Variants in MYRIP observed in about 807,000 individuals in gnomAD.
MYRIP encodes the protein rab effector MyRIP.
Under a neutral mutation model 98.0 loss-of-function variants are expected in MYRIP, and 49 were observed. That is an observed-to-expected ratio of 0.50 (90% CI 0.40 to 0.63). MYRIP has a LOEUF of 0.63. Ranked by LOEUF, MYRIP falls within the 30% of genes least tolerant of loss-of-function variation. The probability of loss-of-function intolerance (pLI) is 0.00; values close to 1 mark genes in which losing one functional copy is unlikely to be tolerated. For missense variants in MYRIP, 1,004 were observed against 1,058.2 expected (o/e 0.95, Z 0.71); for synonymous variants, 404 against 409.5 (o/e 0.99, Z 0.16).
At chr3:39,853,707 C>T (rs956313973) in intron 1 of MYRIP, among the ~76,000 whole-genome samples, 1 of 152,034 alleles carries the variant, frequency 6.6e-6, no homozygotes, top group African/African-American at 2.4e-5. Context: ...TGTGGGTTCT[C>T]TGTTTATTCT....
At chr3:39,918,394 G>A (rs2125688049) in intron 2 of MYRIP, among the ~76,000 whole-genome samples, 2 of 152,300 alleles carry the variant, frequency 1.3e-5, no homozygotes, top group East Asian at 3.9e-4. Flanking sequence ...ATGCTCATGT[G>A]TGGTCAACCC....
Position 40,258,264 on chromosome 3 carries a change from A to G in MYRIP, c.*98A>G. 6.8e-7 allele frequency: 1 copy of G among 1,462,708 alleles called. No homozygotes were observed. Among genetic ancestry groups the G allele is most frequent in the African/African-American group, 1.4e-5 (1 of 71,938 alleles). 90.6% of individuals were successfully genotyped at this position (1,462,708 alleles called of 1,614,324 possible). ...CGAGTACTGTATGTATTTCCACCTG[A>G]GGAGAAGGCCTGGGGAGGCCACAGT... On this transcript the variant is annotated 3_prime_UTR_variant, in exon 17 of 17. Transcript: ENST00000302541.
At chr3:40,156,536 A>G (rs1169492385) in intron 4 of MYRIP, among the ~76,000 whole-genome samples, 1 of 152,120 alleles carries the variant, frequency 6.6e-6, no homozygotes, top group East Asian at 1.9e-4. Context: ...GAAGAAAGTA[A>G]TTGGTAGCTT....
chr3:40,161,993 G>A (rs1468344528), intron 4 of MYRIP, among the ~76,000 whole-genome samples: 4 of 152,026 alleles, frequency 2.6e-5, no homozygotes, highest in East Asian at 1.9e-4. Flanking sequence ...GCCCTGCCAC[G>A]CTGCCTCTCA....
intron 3 of MYRIP, among the ~76,000 whole-genome samples, chr3:40,132,234 A>C (rs1799424): frequency 0.011 from 1,654 of 152,362 alleles, 20 homozygotes; most frequent in Admixed American, 0.019. Context: ...CTACAGCTGC[A>C]GAAAAGGAGC....
intron 2 of MYRIP, among the ~76,000 whole-genome samples, chr3:39,921,281 T>G (rs1233977168): frequency 1.3e-5 from 2 of 152,184 alleles, no homozygotes; most frequent in Admixed American, 1.3e-4. Context: ...AACCAGCAAG[T>G]GAGCACTGGT....
intron 8 of MYRIP, among the ~76,000 whole-genome samples, chr3:40,178,133 T>G (rs996263589): frequency 7.9e-5 from 12 of 152,206 alleles, no homozygotes; most frequent in Admixed American, 6.5e-5. Context: ...TGTTTTTTAC[T>G]GTGGGCTCTT....
intron 2 of MYRIP, among the ~76,000 whole-genome samples, chr3:39,988,326 A>G (rs1410806546): frequency 7.9e-5 from 12 of 151,350 alleles, no homozygotes; most frequent in African/African-American, 2.9e-4. Flanking sequence ...AAAAAAAAAG[A>G]TTGTTGAATA....
intron 3 of MYRIP, among the ~76,000 whole-genome samples, chr3:40,063,084 T>G (rs1948051983): frequency 6.6e-6 from 1 of 152,194 alleles, no homozygotes; most frequent in African/African-American, 2.4e-5. Context: ...TCAGTATAAA[T>G]CTAATTTTGA....
intron 2 of MYRIP, among the ~76,000 whole-genome samples, chr3:39,923,980 A>G (rs894854863): frequency 2.0e-5 from 3 of 152,110 alleles, no homozygotes; most frequent in East Asian, 1.9e-4. Context: ...AGAAAAAGCT[A>G]TACAAAGAGA....
At chr3:40,169,252 G>A (rs1025339964) in intron 7 of MYRIP, among the ~76,000 whole-genome samples, 9 of 152,168 alleles carry the variant, frequency 5.9e-5, no homozygotes, top group Non-Finnish European at 5.9e-5. Context: ...TGGCACCTCA[G>A]TTGATTGTTC....
intron 2 of MYRIP, among the ~76,000 whole-genome samples, chr3:39,981,912 C>A (rs138210001): frequency 6.6e-6 from 1 of 151,962 alleles, no homozygotes; most frequent in African/African-American, 2.4e-5. Flanking sequence ...TAAAAGTGAA[C>A]TGATTGGATT....
intron 2 of MYRIP, among the ~76,000 whole-genome samples, chr3:39,922,150 A>G (rs909795222): frequency 6.6e-6 from 1 of 152,086 alleles, no homozygotes; most frequent in Non-Finnish European, 1.5e-5. Flanking sequence ...TGCCTCATAT[A>G]TTTGAGTCTT....
intron 8 of MYRIP, among the ~76,000 whole-genome samples, chr3:40,181,261 C>G (rs1388093070): frequency 6.6e-6 from 1 of 152,120 alleles, no homozygotes; most frequent in Non-Finnish European, 1.5e-5. Flanking sequence ...GGTCCAGCTC[C>G]AAAGCACCCC....
chr3:40,060,558 T>C (rs949427548), intron 3 of MYRIP, among the ~76,000 whole-genome samples: 11 of 152,014 alleles, frequency 7.2e-5, no homozygotes, highest in Non-Finnish European at 1.6e-4. Flanking sequence ...GAAAACATTA[T>C]GGATTTGGGT....
At chr3:40,215,495 C>G (rs991440677) in intron 11 of MYRIP, among the ~76,000 whole-genome samples, 5 of 152,062 alleles carry the variant, frequency 3.3e-5, no homozygotes, top group Admixed American at 6.6e-5. Context: ...TAGAGCCAAG[C>G]CACATGGAAA....
intron 1 of MYRIP, among the ~76,000 whole-genome samples, chr3:39,864,418 C>T (rs1482431655): frequency 2.6e-5 from 4 of 152,148 alleles, no homozygotes; most frequent in African/African-American, 9.7e-5. Context: ...TGCCCAAAAG[C>T]TCCTTAATCT....
chr3:40,025,554 G>C (rs1295377750), intron 2 of MYRIP, among the ~76,000 whole-genome samples: 2 of 152,170 alleles, frequency 1.3e-5, no homozygotes, highest in East Asian at 3.9e-4. Flanking sequence ...TAACATTGCT[G>C]TAAGAAGTAT....
intron 16 of MYRIP, among the ~76,000 whole-genome samples, chr3:40,256,222 T>TA (rs1472799768): frequency 1.3e-5 from 2 of 152,190 alleles, no homozygotes; most frequent in Non-Finnish European, 2.9e-5. Flanking sequence ...ACAGAAACCC[T>TA]ACTTAGAAGT....
Sources: gnomAD v4.1 joint callset for allele counts (sites outside exome capture counted in the v4.1 genomes callset) on GRCh38, gnomAD v4.1.1 for gene constraint, MANE v1.5 for transcripts, NCBI Gene and HGNC (gene_info 2026-07-23, HGNC 2026-07-21) for gene names.